ACBD5: variants seen among roughly 807,000 people sequenced by gnomAD.
ACBD5 encodes the protein acyl-CoA-binding domain-containing protein 5.
A neutral mutation model predicts 71.8 loss-of-function variants in ACBD5; 40 were observed. That is an observed-to-expected ratio of 0.56 (90% CI 0.43 to 0.72). ACBD5 has a LOEUF of 0.72. Ranked by LOEUF, ACBD5 falls within the 30% of genes least tolerant of loss-of-function variation. The pLI, the probability that ACBD5 is intolerant of heterozygous loss-of-function variation, is 0.00. For synonymous variants in ACBD5, 229 were observed against 218.6 expected (o/e 1.05, Z -0.42); for missense variants, 559 against 644.5 (o/e 0.87, Z 1.44).
intron 3 of ACBD5, among the ~76,000 whole-genome samples, chr10:27,234,554 T>C (rs967690153): frequency 1.3e-5 from 2 of 151,940 alleles, no homozygotes; most frequent in Non-Finnish European, 2.9e-5. Context: ...AATGCTTCTT[T>C]ATCTTTGATG....
intron 6 of ACBD5, among the ~76,000 whole-genome samples, chr10:27,218,465 A>G (rs541903935): frequency 2.0e-5 from 3 of 152,284 alleles, no homozygotes; most frequent in African/African-American, 7.2e-5. Flanking sequence ...CCTTAGGCAT[A>G]AGCAAATTGC....
chr10:27,226,442 T>TACTACAC (rs1414706334), intron 4 of ACBD5, among the ~76,000 whole-genome samples: 115 of 116,084 alleles, frequency 9.9e-4, no homozygotes, highest in Non-Finnish European at 1.5e-3. Flanking sequence ...ACACATGAGA[T>TACTACAC]ACAGACTACA....
At chr10:27,218,445 C>G (rs576582356) in intron 6 of ACBD5, among the ~76,000 whole-genome samples, 1 of 152,250 alleles carries the variant, frequency 6.6e-6, no homozygotes, top group South Asian at 2.1e-4. Flanking sequence ...CTCTCAAAGT[C>G]TTTTTACTCC....
intron 5 of ACBD5, among the ~76,000 whole-genome samples, chr10:27,221,432 T>C (rs1392003375): frequency 6.6e-6 from 1 of 152,190 alleles, no homozygotes; most frequent in African/African-American, 2.4e-5. Flanking sequence ...TCTTCAAAGA[T>C]TTTTAAAATT....
At chr10:27,203,167 T>G (rs2060111427) in intron 12 of ACBD5, among the ~76,000 whole-genome samples, 1 of 151,820 alleles carries the variant, frequency 6.6e-6, no homozygotes, top group South Asian at 2.1e-4. Context: ...TTTAAATTTT[T>G]TGTGGAGACA....
At chr10:27,210,736 C>A (rs1265622369) in intron 9 of ACBD5, 78 bp downstream of exon 9, 5 of 1,592,390 alleles carry the variant, frequency 3.1e-6, no homozygotes, top group African/African-American at 1.3e-5. Context: ...CCAGCCTGGG[C>A]GACAGAGCGC....
In ACBD5 at chr10:27,208,303, C is replaced by G; in HGVS notation, c.1347G>C (p.Glu449Asp). 6.2e-7 allele frequency: 1 copy of G among 1,614,164 alleles called. No homozygotes were observed. Among genetic ancestry groups the G allele is most frequent in the Non-Finnish European group, 8.5e-7 (1 of 1,180,034 alleles). The change falls in exon 10 of 13, where the codon GAG becomes GAC. Residue 449 changes from glutamate to aspartate, a missense_variant. Glu to Asp is a conservative substitution (Grantham distance 45, BLOSUM62 2). Transcript: ENST00000396271. ...GTCTCTGAAGGACATTCTGCATGTCCTCCTGCAGTCTCATCAGCACGAGGG... is the reference window on the plus strand; with the variant it reads ...GTCTCTGAAGGACATTCTGCATGTCGTCCTGCAGTCTCATCAGCACGAGGG... ...QIALVLMRLQ[E>D]DMQNVLQRLQ...
chr10:27,227,233 A>G (rs568113223), intron 4 of ACBD5, among the ~76,000 whole-genome samples: 47 of 152,236 alleles, frequency 3.1e-4, no homozygotes, highest in South Asian at 2.1e-3. Flanking sequence ...TGGACACCAG[A>G]AAAGAGGCAT....
At chr10:27,226,555 C>G (rs550629265) in intron 4 of ACBD5, among the ~76,000 whole-genome samples, 1 of 151,702 alleles carries the variant, frequency 6.6e-6, no homozygotes, top group South Asian at 2.1e-4. Flanking sequence ...TTATCTAAAC[C>G]AAGCTTGTCC....
chr10:27,236,704 C>G (rs7920681), intron 2 of ACBD5, among the ~76,000 whole-genome samples: 14,045 of 151,916 alleles, frequency 0.092, 877 homozygotes, highest in African/African-American at 0.16. Context: ...GCCTGGCCAA[C>G]ATGATGAAAC....
intron 12 of ACBD5, among the ~76,000 whole-genome samples, chr10:27,199,260 G>A (rs941492317): frequency 6.7e-6 from 1 of 150,374 alleles, no homozygotes; most frequent in Admixed American, 6.6e-5. Flanking sequence ...GCGCGACCTC[G>A]GCTCACTGCA....
Position 27,204,473 on chromosome 10 carries a change from C to A in ACBD5, c.1532G>T (p.Trp511Leu), listed in dbSNP as rs1425913433. 6.2e-7 allele frequency: 1 copy of A among 1,613,968 alleles called. No individual in the cohort carries two copies. The highest frequency in any genetic ancestry group is 8.5e-7 in the Non-Finnish European group (1 of 1,179,926). ...FAIIWPFIAQ[W>L]LVYLYYQRRR... ...TCTTTGATAGTATAAATACACCAAC[C>A]ACTGTGCAATAAAAGGCCATATGAT... Residue 511 changes from tryptophan (W) to leucine (L), a missense_variant, in exon 12 of 13, where the codon TGG becomes TTG. Coordinates refer to ENST00000396271, the MANE Select transcript of ACBD5 (RefSeq NM_145698.5).
At chr10:27,191,525 A>G (rs1031429772), downstream of ACBD5, among the ~76,000 whole-genome samples, 1 of 151,894 alleles carries the variant, frequency 6.6e-6, no homozygotes, top group South Asian at 2.1e-4. Context: ...GGGCGGGGGG[A>G]GAGGAGGGTA....
chr10:27,230,503 T>TA (rs1464713226), intron 4 of ACBD5, among the ~76,000 whole-genome samples: 1 of 152,082 alleles, frequency 6.6e-6, no homozygotes, highest in Non-Finnish European at 1.5e-5. Context: ...TGGTTCTTTA[T>TA]AAAAAAGTCT....
At chr10:27,210,744 C>G (rs117615378) in intron 9 of ACBD5, 70 bp downstream of exon 9, 16 of 1,601,304 alleles carry the variant, frequency 1.0e-5, no homozygotes, top group Non-Finnish European at 1.4e-5. Flanking sequence ...GGCGACAGAG[C>G]GCGAGACTCC....
chr10:27,214,165 C>A (rs969907821), intron 8 of ACBD5, among the ~76,000 whole-genome samples: 1 of 151,970 alleles, frequency 6.6e-6, no homozygotes, highest in African/African-American at 2.4e-5. Flanking sequence ...GATCTAGTAC[C>A]TGATAGCACA....
intron 13 of ACBD5, among the ~76,000 whole-genome samples, chr10:27,189,755 T>TA (rs1215164426): frequency 7.4e-4 from 84 of 113,542 alleles, no homozygotes; most frequent in African/African-American, 2.9e-3. Context: ...CCCTAGAACT[T>TA]AAAGTATAAT....
At chr10:27,186,738 A>G in intron 13 of ACBD5, 3 of 580,786 alleles carry the variant, frequency 5.2e-6, no homozygotes, top group Non-Finnish European at 6.1e-6. Context: ...TCAAAACTGT[A>G]TATAAATCTT....
intron 12 of ACBD5, among the ~76,000 whole-genome samples, chr10:27,202,124 T>C (rs529799478): frequency 6.6e-6 from 1 of 152,276 alleles, no homozygotes; most frequent in South Asian, 2.1e-4. Context: ...TTCCAAACCA[T>C]ACAACTGCTC....
Sources: allele counts gnomAD v4.1 joint callset (sites outside exome capture counted in the v4.1 genomes callset), GRCh38; gene constraint gnomAD v4.1.1; transcripts MANE v1.5; gene names NCBI Gene and HGNC (gene_info 2026-07-23, HGNC 2026-07-21).